The following PLPP1 variants were observed in gnomAD, a reference collection of about 807,000 sequenced individuals.
PLPP1 encodes the protein lipid phosphate phosphohydrolase 1a.
PLPP1 carries 24 observed loss-of-function variants against 31.2 expected under a neutral mutation model. The observed-to-expected ratio is 0.77, with a 90% CI of 0.56 to 1.08. The LOEUF is 1.08. PLPP1 is among the 50% of genes least tolerant of loss of function. The pLI, the probability that PLPP1 is intolerant of heterozygous loss-of-function variation, is 0.00. For synonymous variants in PLPP1, 146 were observed against 126.3 expected (o/e 1.16, Z -1.05); for missense variants, 319 against 342.7 (o/e 0.93, Z 0.55).
chr5:55,495,777 T>G (rs183870252), intron 1 of PLPP1, among the ~76,000 whole-genome samples: 16 of 152,188 alleles, frequency 1.1e-4, no homozygotes, highest in African/African-American at 3.1e-4. Flanking sequence ...CCCTCCAGAG[T>G]AAACAGGTAT....
At chr5:55,519,446 T>A (rs1753617496) in intron 1 of PLPP1, among the ~76,000 whole-genome samples, 1 of 152,200 alleles carries the variant, frequency 6.6e-6, no homozygotes, top group Non-Finnish European at 1.5e-5. Context: ...GTGTGTTTTT[T>A]AAAAATTTTA....
At position 55,468,077 on chromosome 5, in the gene PLPP1, T is replaced by C. The variant is rs1343883337; in HGVS notation, c.283A>G (p.Ile95Val). ...CCAATGGCTTTGTAAATAGTGGCTATGTAGTTATTCCTGATAAAGGAATTT... is the reference window on the plus strand; with the variant it reads ...CCAATGGCTTTGTAAATAGTGGCTACGTAGTTATTCCTGATAAAGGAATTT... The part of the protein sequence containing the change: ...HSNSFIRNNY[I>V]ATIYKAIGTF... Residue 95 changes from isoleucine (I) to valine (V), a missense_variant, in exon 3 of 6, where the codon ATA (isoleucine) becomes GTA (valine). By Grantham distance (29) the Ile-to-Val change is conservative. Coordinates refer to ENST00000307259, the MANE Select transcript of PLPP1 (RefSeq NM_003711.4). The C allele has an allele frequency of 1.9e-6, 3 of 1,614,008 alleles. No homozygotes were observed. The highest frequency in any genetic ancestry group is 1.1e-5 in the South Asian group (1 of 91,080).
In PLPP1 at chr5:55,425,855, A is replaced by G; in HGVS notation, c.726+8T>C. On this transcript the variant is annotated splice_region_variant and intron_variant, in intron 5 of 5. Coordinates refer to ENST00000307259, the MANE Select transcript of PLPP1 (RefSeq NM_003711.4). Reference sequence around the variant, plus strand: ...ATCAAGATGTAGGCTGTTGACCTGTATACTTACAACTAATATTGCAACCAG... The same window carrying G: ...ATCAAGATGTAGGCTGTTGACCTGTGTACTTACAACTAATATTGCAACCAG... 6.3e-7 allele frequency: 1 copy of G among 1,592,100 alleles called. No homozygotes were observed. Among genetic ancestry groups the G allele is most frequent in the African/African-American group, 1.4e-5 (1 of 73,770 alleles).
chr5:55,425,601 G>A (rs1160290541), intron 5 of PLPP1: 1 of 441,122 alleles, frequency 2.3e-6, no homozygotes, highest in East Asian at 3.8e-5. Context: ...GTTTTTTCAA[G>A]TCATAATCCC....
At chr5:55,477,037 G>GAA (rs11312513) in intron 1 of PLPP1, among the ~76,000 whole-genome samples, 4 of 40,292 alleles carry the variant, frequency 9.9e-5, no homozygotes, top group African/African-American at 2.4e-4. Context: ...CGCCTTAAAA[G>GAA]AAAAAAAAAA....
intron 1 of PLPP1, among the ~76,000 whole-genome samples, chr5:55,497,337 T>C (rs1020360414): frequency 1.3e-5 from 2 of 152,114 alleles, no homozygotes; most frequent in African/African-American, 4.8e-5. Flanking sequence ...CCTTGAACTC[T>C]TGGGCTCAGG....
chr5:55,473,997 G>GT (rs756603259), intron 2 of PLPP1, among the ~76,000 whole-genome samples: 52 of 28,080 alleles, frequency 1.9e-3, no homozygotes, highest in Admixed American at 4.4e-3. Context: ...TTTGTTTGTT[G>GT]TTTTTTTTTT....
chr5:55,457,841 A>C (rs1752055234), intron 3 of PLPP1, among the ~76,000 whole-genome samples: 1 of 151,202 alleles, frequency 6.6e-6, no homozygotes, highest in South Asian at 2.1e-4. Flanking sequence ...GTGAGCCAAG[A>C]TCACGCCACT....
intron 1 of PLPP1, among the ~76,000 whole-genome samples, chr5:55,507,362 T>C (rs1283784947): frequency 1.3e-5 from 2 of 152,214 alleles, no homozygotes; most frequent in African/African-American, 4.8e-5. Flanking sequence ...ATAAAGGAAA[T>C]AGCTGAAGCC....
In PLPP1 at chr5:55,534,725, G is replaced by C. The variant is rs1036947224; in HGVS notation, c.-96C>G. The C allele has an allele frequency of 6.9e-6, 9 of 1,297,788 alleles. No homozygotes were observed. Among genetic ancestry groups the C allele is most frequent in the Admixed American group, 4.8e-5 (2 of 42,036 alleles). 80.4% of individuals were successfully genotyped at this position (1,297,788 alleles called of 1,614,324 possible). A position where few individuals can be genotyped will look rare whatever the true frequency, so the allele number is the denominator to read the frequency against. ...TCGAGCCCGGGCCGGGGCTGGCGAC[G>C]GCCCCGAGCTACGGCCCCTCCCAGC... On this transcript the variant is annotated 5_prime_UTR_variant, in exon 1 of 6. Transcript: ENST00000307259.
chr5:55,428,777 C>T (rs1403044684), intron 4 of PLPP1, among the ~76,000 whole-genome samples: 2 of 152,186 alleles, frequency 1.3e-5, no homozygotes, highest in Admixed American at 6.6e-5. Flanking sequence ...ACTCTTCTCT[C>T]CTCCCCATAC....
chr5:55,520,347 A>T (rs2111933843), intron 1 of PLPP1, among the ~76,000 whole-genome samples: 1 of 152,370 alleles, frequency 6.6e-6, no homozygotes, highest in Middle Eastern at 3.4e-3. Context: ...AACTGCAGCT[A>T]GGACAAATTA....
intron 2 of PLPP1, among the ~76,000 whole-genome samples, chr5:55,471,905 G>GCC (rs1430087862): frequency 6.6e-6 from 1 of 151,744 alleles, no homozygotes; most frequent in Non-Finnish European, 1.5e-5. Flanking sequence ...GGCTGCTTGA[G>GCC]CCCAGGAGTT....
chr5:55,475,362 G>C lies in PLPP1; in HGVS notation c.147C>G (p.Tyr49Ter). Residue 49 changes from tyrosine to a stop codon, truncating the protein, a stop_gained, in exon 2 of 6, where the codon TAC becomes TAG. Transcript: ENST00000307259. LOFTEE classifies it high-confidence loss of function. The stretch of plus-strand genomic sequence containing the variant: ...ACGCATAAGGTATGGTGTCTTCTTT[G>C]TAAGGGTACTTGATGGACTCATCAT... Reference protein sequence around the residue: ...FCNDESIKYPYKEDTIPYALL... With the variant: ...FCNDESIKYP The C allele has an allele frequency of 6.2e-7, 1 of 1,612,280 alleles. No homozygotes were observed. Among genetic ancestry groups the C allele is most frequent in the Non-Finnish European group, 8.5e-7 (1 of 1,178,604 alleles).
chr5:55,480,801 C>G (rs529438037), intron 1 of PLPP1, among the ~76,000 whole-genome samples: 1 of 152,184 alleles, frequency 6.6e-6, no homozygotes, highest in South Asian at 2.1e-4. Flanking sequence ...GGGTAGATAC[C>G]TACAAGTGGG....
intron 1 of PLPP1, among the ~76,000 whole-genome samples, chr5:55,533,119 C>T (rs1041460071): frequency 7.9e-5 from 12 of 151,770 alleles, no homozygotes; most frequent in Admixed American, 2.0e-4. Context: ...CGCTGTGGCT[C>T]ACACCTGTAA....
chr5:55,444,720 A>G (rs1478081351), intron 3 of PLPP1, among the ~76,000 whole-genome samples: 2 of 94,010 alleles, frequency 2.1e-5, no homozygotes, highest in African/African-American at 3.9e-5. Flanking sequence ...GACTACATAA[A>G]TCACTATGAA....
intron 4 of PLPP1, among the ~76,000 whole-genome samples, chr5:55,436,495 G>A (rs1384656200): frequency 1.3e-5 from 2 of 152,182 alleles, no homozygotes; most frequent in African/African-American, 4.8e-5. Context: ...AAGCCACGGG[G>A]AACTGGGAGT....
chr5:55,432,472 C>A (rs1751381830), intron 4 of PLPP1, among the ~76,000 whole-genome samples: 1 of 152,146 alleles, frequency 6.6e-6, no homozygotes, highest in Non-Finnish European at 1.5e-5. Flanking sequence ...AAGAAGAACA[C>A]CCATTCTCCT....
Sources: allele counts gnomAD v4.1 joint callset (sites outside exome capture counted in the v4.1 genomes callset), GRCh38; gene constraint gnomAD v4.1.1; transcripts MANE v1.5; gene names NCBI Gene and HGNC (gene_info 2026-07-23, HGNC 2026-07-21).